The following BOD1L1 variants were observed in gnomAD, a reference collection of about 807,000 sequenced individuals.
BOD1L1 encodes biorientation of chromosomes in cell division protein 1-like 1.
BOD1L1 carries 86 observed loss-of-function variants against 240.7 expected under a neutral mutation model. That is an observed-to-expected ratio of 0.36 (90% CI 0.30 to 0.43). BOD1L1 has a LOEUF of 0.43. BOD1L1 is among the 20% of genes least tolerant of loss of function. BOD1L1 has a pLI of 1.00. For synonymous variants in BOD1L1, 1,268 were observed against 1,272.3 expected (o/e 1.00, Z 0.07); for missense variants, 3,554 against 3,643.5 (o/e 0.98, Z 0.63).
intron 5 of BOD1L1, among the ~76,000 whole-genome samples, 151 bp from the exon 6 acceptor site, chr4:13,611,251 A>G (rs544795901): frequency 6.6e-6 from 1 of 152,374 alleles, no homozygotes; most frequent in East Asian, 1.9e-4. Flanking sequence ...TTTAAAAGCT[A>G]TAATTCATAT....
chr4:13,620,233 G>C (rs1193309324), intron 1 of BOD1L1, among the ~76,000 whole-genome samples, 166 bp from the exon 2 acceptor site: 3 of 152,144 alleles, frequency 2.0e-5, no homozygotes, highest in Non-Finnish European at 4.4e-5. Flanking sequence ...TGTAAGACAA[G>C]GTGTTTGGAG....
intron 10 of BOD1L1, 38 bp downstream of exon 10, chr4:13,598,908 G>C: frequency 6.5e-7 from 1 of 1,549,994 alleles, no homozygotes; most frequent in Non-Finnish European, 8.7e-7. Context: ...AATCATCCTT[G>C]TAAATATTAA....
At chr4:13,593,848 T>C (rs760185921) in intron 12 of BOD1L1, among the ~76,000 whole-genome samples, 2 of 152,200 alleles carry the variant, frequency 1.3e-5, no homozygotes, top group Non-Finnish European at 2.9e-5. Flanking sequence ...GAGCCCAGAC[T>C]GTGGTCTGGA....
rs115391368 is a variant in BOD1L1, at chr4:13,585,599, G to C, written c.8433+797C>G. Among the ~76,000 whole-genome samples the C allele has an allele frequency of 6.6e-3, 1,004 of 152,176 alleles. 12 individuals are homozygous for C. Among genetic ancestry groups the C allele is most frequent in the African/African-American group, 0.023 (962 of 41,508 alleles). On this transcript the variant is annotated intron_variant, in intron 17 of 25. Transcript: ENST00000040738. ...TAAAACCATAGGAAAAAAGGCAATGGGTGAGGCCAATCCTTAGAGTACCCA... is the reference window on the plus strand; with the variant it reads ...TAAAACCATAGGAAAAAAGGCAATGCGTGAGGCCAATCCTTAGAGTACCCA...
intron 19 of BOD1L1, among the ~76,000 whole-genome samples, chr4:13,581,957 C>T (rs1309722715): frequency 1.3e-5 from 2 of 152,102 alleles, no homozygotes; most frequent in East Asian, 1.9e-4. Context: ...AGGCCAGGAA[C>T]CTGACATTGC....
At chr4:13,622,725 C>T (rs954578932) in intron 1 of BOD1L1, among the ~76,000 whole-genome samples, 1 of 152,230 alleles carries the variant, frequency 6.6e-6, no homozygotes, top group African/African-American at 2.4e-5. Context: ...ACAAAGTTGT[C>T]TTCTAAAAAT....
At chr4:13,621,339 C>T (rs1717018477) in intron 1 of BOD1L1, among the ~76,000 whole-genome samples, 1 of 152,182 alleles carries the variant, frequency 6.6e-6, no homozygotes, top group South Asian at 2.1e-4. Context: ...CTGCCATTTG[C>T]CTCCTTTTAG....
intron 10 of BOD1L1, 25 bp from the exon 11 acceptor site, chr4:13,597,193 A>T: frequency 6.4e-7 from 1 of 1,566,614 alleles, no homozygotes; most frequent in Non-Finnish European, 8.7e-7. Flanking sequence ...GCCATTTAGT[A>T]CAGTTTAAGA....
chr4:13,581,901 C>A (rs1035989932), intron 19 of BOD1L1, among the ~76,000 whole-genome samples: 4 of 152,186 alleles, frequency 2.6e-5, no homozygotes, highest in Admixed American at 1.3e-4. Flanking sequence ...GCTCAGACAG[C>A]CTCCTGTTTG....
Position 13,627,592 on chromosome 4 carries a change from G to A in BOD1L1, c.-5C>T, listed in dbSNP as rs946328144. ...CGGCTGTGGGTTGGTGGCCATGGTGGCCTGTGCCGGGGAGGGCAAGGGCCC... is the reference window on the plus strand; with the variant it reads ...CGGCTGTGGGTTGGTGGCCATGGTGACCTGTGCCGGGGAGGGCAAGGGCCC... On this transcript the variant is annotated 5_prime_UTR_variant, in exon 1 of 26. Coordinates refer to ENST00000040738, the MANE Select transcript of BOD1L1 (RefSeq NM_148894.3). The A allele has an allele frequency of 5.2e-6, 6 of 1,145,766 alleles. No homozygotes were observed. Among genetic ancestry groups the A allele is most frequent in the African/African-American group, 1.6e-5 (1 of 61,498 alleles). 71.0% of individuals were successfully genotyped at this position (1,145,766 alleles called of 1,614,324 possible). A position where few individuals can be genotyped will look rare whatever the true frequency, so the allele number is the denominator to read the frequency against.
rs769939284 is a variant in BOD1L1 at position 13,599,074 on chromosome 4, T to C, written c.7826A>G (p.Tyr2609Cys). Residue 2609 changes from tyrosine (Y) to cysteine (C), a missense_variant, in exon 10 of 26, where the codon TAT becomes TGT. Coordinates refer to ENST00000040738, the MANE Select transcript of BOD1L1 (RefSeq NM_148894.3). ...CEQDLTIKND[Y>C]SGKWTDQASA... ...TGCTTGATCAGTCCATTTGCCACTA[T>C]AATCATTCTTTATAGTCAAGTCCTG... The C allele has an allele frequency of 1.9e-6, 3 of 1,614,038 alleles. No individual in the cohort carries two copies. Among genetic ancestry groups the C allele is most frequent in the East Asian group, 2.2e-5 (1 of 44,884 alleles).
chr4:13,569,819 A>G lies in BOD1L1; in HGVS notation c.*192T>C. On this transcript the variant is annotated 3_prime_UTR_variant, in exon 26 of 26. Coordinates refer to ENST00000040738, the MANE Select transcript of BOD1L1 (RefSeq NM_148894.3). ...AACTTATTGTCCTTTATCTGAAATAAATGTACATAATATCTTCTATGAACA... is the reference window on the plus strand; with the variant it reads ...AACTTATTGTCCTTTATCTGAAATAGATGTACATAATATCTTCTATGAACA... 1 of 379,338 alleles carries G rather than the reference A, an allele frequency of 2.6e-6. No homozygotes were observed. The highest frequency in any genetic ancestry group is 4.7e-6 in the Non-Finnish European group (1 of 213,824). The allele number at this position is 379,338 out of a possible 1,614,324, so 23.5% of individuals were successfully genotyped here.
intron 21 of BOD1L1, among the ~76,000 whole-genome samples, chr4:13,580,576 T>G (rs1713148438): frequency 1.3e-5 from 2 of 152,080 alleles, no homozygotes; most frequent in African/African-American, 4.8e-5. Flanking sequence ...TACGTCAGGG[T>G]CAAAGATAAA....
At chr4:13,619,682 T>C (rs1003732501) in intron 2 of BOD1L1, among the ~76,000 whole-genome samples, 2 of 152,246 alleles carry the variant, frequency 1.3e-5, no homozygotes, top group Non-Finnish European at 2.9e-5. Flanking sequence ...CTAGATTTTT[T>C]AGAAAGTCAT....
At position 13,599,400 on chromosome 4, in the gene BOD1L1, G is replaced by A. The variant is rs201792936; in HGVS notation, c.7500C>T (p.Asn2500=). ...SAGRGLEGNA[N]SPAHLRGPEQ... ...CTGGTCCTCTCAGGTGGGCAGGTGA[G>A]TTAGCATTCCCCTCTAAGCCCCTTC... Residue 2500 remains asparagine (N), a synonymous_variant, in exon 10 of 26, where the codon AAC becomes AAT. Transcript: ENST00000040738. The A allele has an allele frequency of 1.2e-6, 2 of 1,614,038 alleles. No homozygotes were observed. The highest frequency in any genetic ancestry group is 2.2e-5 in the South Asian group (2 of 91,078).
At position 13,603,900 on chromosome 4, in the gene BOD1L1, T is replaced by G; in HGVS notation, c.3000A>C (p.Lys1000Asn). Residue 1000 changes from lysine to asparagine, a missense_variant, in exon 10 of 26, where the codon AAA becomes AAC. By Grantham distance (94) the Lys-to-Asn change is moderately conservative (BLOSUM62 0). Around this residue, in one of 2 missense-constraint regions of BOD1L1, gnomAD observed 3,393 missense variants for 3,427.1 expected, o/e 0.99. Transcript: ENST00000040738. ...AAGTGGAGTCTTTATCACTCTTATA[T>G]TTCTCCTTTGCTAATGGTAACTTGG... is the stretch of plus-strand genomic sequence containing the variant. The part of the protein sequence containing the change: ...HRAKLPLAKE[K>N]YKSDKDSTST... 1 of 1,613,886 alleles carries G rather than the reference T, an allele frequency of 6.2e-7. No homozygotes were observed. Among genetic ancestry groups the G allele is most frequent in the Non-Finnish European group, 8.5e-7 (1 of 1,179,894 alleles).
In BOD1L1 at chr4:13,569,104, G is replaced by T. The variant is rs1475338538; in HGVS notation, c.*907C>A. On this transcript the variant is annotated 3_prime_UTR_variant, in exon 26 of 26. Transcript: ENST00000040738. ...CAACATAAAATCCTGAAACTGGATA[G>T]ACAGGAGGGACCTAATCTTGAATGC... is the stretch of plus-strand genomic sequence containing the variant. The T allele has an allele frequency of 6.6e-6, 1 of 152,182 alleles. No homozygotes were observed. The highest frequency in any genetic ancestry group is 1.5e-5 in the Non-Finnish European group (1 of 68,026). 9.4% of individuals were successfully genotyped at this position (152,182 alleles called of 1,614,324 possible). A position where few individuals can be genotyped will look rare whatever the true frequency, so the allele number is the denominator to read the frequency against.
At chr4:13,625,478 C>T (rs1717322020) in intron 1 of BOD1L1, 1 of 152,172 alleles carries the variant, frequency 6.6e-6, no homozygotes, top group South Asian at 2.1e-4. Context: ...ATTATAGACA[C>T]ATACCAATAA....
chr4:13,607,144 ATCT>A lies in BOD1L1; in HGVS notation c.1785_1787del (p.Glu595del). 6.4e-7 allele frequency: 1 copy of A among 1,573,978 alleles called. No homozygotes were observed. The stretch of plus-strand genomic sequence containing the variant: ...CACTTGTTTTAAGGGTTTCTTTGGA[ATCT>A]TCTTCATATTGCTGTTTCTTTTTGG... On this transcript the variant is annotated inframe_deletion, in exon 9 of 26. Coordinates refer to ENST00000040738, the MANE Select transcript of BOD1L1 (RefSeq NM_148894.3).
Sources: allele counts gnomAD v4.1 joint callset (sites outside exome capture counted in the v4.1 genomes callset), GRCh38; gene constraint gnomAD v4.1.1; regional missense constraint gnomAD v4.1.1; transcripts MANE v1.5; gene names NCBI Gene and HGNC (gene_info 2026-07-23, HGNC 2026-07-21).